Variants in PTPRD observed in about 807,000 individuals in gnomAD.
The protein encoded by PTPRD is receptor-type tyrosine-protein phosphatase delta.
A neutral mutation model predicts 214.5 loss-of-function variants in PTPRD; 34 were observed. That is an observed-to-expected ratio of 0.16 (90% CI 0.12 to 0.21). The LOEUF (loss-of-function observed/expected upper bound fraction) is 0.21. Among genes scored for constraint, PTPRD ranks in the 10% least tolerant of loss-of-function variants. The probability of loss-of-function intolerance (pLI) is 1.00; values close to 1 mark genes in which losing one functional copy is unlikely to be tolerated. For missense variants in PTPRD, 2,545 were observed against 2,398.7 expected (o/e 1.06, Z -1.27); for synonymous variants, 1,128 against 845.7 (o/e 1.33, Z -5.79).
chr9:9,668,600 T>C (rs1406936198), intron 7 of PTPRD, among the ~76,000 whole-genome samples: 1 of 152,198 alleles, frequency 6.6e-6, no homozygotes, highest in East Asian at 1.9e-4. Flanking sequence ...GATTTGTTCA[T>C]TCAGCATAAA....
intron 10 of PTPRD, among the ~76,000 whole-genome samples, chr9:9,133,912 T>C (rs556385526): frequency 2.0e-5 from 3 of 152,224 alleles, no homozygotes; most frequent in South Asian, 2.1e-4. Context: ...TAAGACTCTA[T>C]ACAGCTTGAG....
At chr9:9,195,210 C>T (rs747099697) in intron 9 of PTPRD, among the ~76,000 whole-genome samples, 1 of 151,546 alleles carries the variant, frequency 6.6e-6, no homozygotes, top group Admixed American at 6.6e-5. Context: ...AAAACTTGAG[C>T]ATACATCTTG....
rs1004288991 is a variant in PTPRD, at chr9:10,052,122, T to C, written c.-544-18332A>G. Reference sequence around the variant, plus strand: ...ACCATGCTCAGCTATTTTTCTATTTTTTGTAGTGACAGATTTTCACCATGT... The same window carrying C: ...ACCATGCTCAGCTATTTTTCTATTTCTTGTAGTGACAGATTTTCACCATGT... On this transcript the variant is annotated intron_variant, in intron 3 of 45. Transcript: ENST00000381196. 1.1e-4 allele frequency among the ~76,000 whole-genome samples: 17 copies of C among 152,240 alleles called. No individual in the cohort carries two copies. In the South Asian group the frequency reaches 3.3e-3, roughly 30 times the overall value.
chr9:10,143,559 G>T (rs990439570), intron 3 of PTPRD, among the ~76,000 whole-genome samples: 1 of 145,882 alleles, frequency 6.9e-6, no homozygotes, highest in Non-Finnish European at 1.5e-5. Context: ...CCATTACTGG[G>T]TATATACATA....
intron 9 of PTPRD, among the ~76,000 whole-genome samples, chr9:9,393,950 A>G (rs967048173): frequency 1.6e-4 from 24 of 152,152 alleles, no homozygotes; most frequent in African/African-American, 5.8e-4. Flanking sequence ...TGCCACCAAT[A>G]CTTTCCTGAT....
intron 8 of PTPRD, among the ~76,000 whole-genome samples, chr9:9,548,643 GAC>G (rs2154280039): frequency 6.6e-6 from 1 of 151,694 alleles, no homozygotes; most frequent in African/African-American, 2.4e-5. Flanking sequence ...TTAAAGTAAA[GAC>G]ACAAAAGAGT....
At chr9:8,782,683 C>T (rs1429247478) in intron 11 of PTPRD, among the ~76,000 whole-genome samples, 1 of 151,354 alleles carries the variant, frequency 6.6e-6, no homozygotes, top group Admixed American at 6.6e-5. Context: ...CTGCAACCTC[C>T]ACCTCCCGAG....
At chr9:8,437,001 T>C (rs964225620) in intron 34 of PTPRD, among the ~76,000 whole-genome samples, 1 of 152,224 alleles carries the variant, frequency 6.6e-6, no homozygotes, top group Non-Finnish European at 1.5e-5. Flanking sequence ...TCAGGCTTGA[T>C]GTCAACTTCT....
intron 8 of PTPRD, among the ~76,000 whole-genome samples, chr9:9,408,968 CT>C (rs2074475177): frequency 6.6e-6 from 1 of 151,656 alleles, no homozygotes; most frequent in South Asian, 2.1e-4. Context: ...ATATTAAGGC[CT>C]TTTAAAAGAT....
At chr9:10,315,203 T>C (rs1375794073) in intron 3 of PTPRD, among the ~76,000 whole-genome samples, 1 of 151,968 alleles carries the variant, frequency 6.6e-6, no homozygotes, top group African/African-American at 2.4e-5. Flanking sequence ...CTTTTATCAT[T>C]TGAGCTTTCA....
chr9:10,318,156 C>G (rs939371929), intron 3 of PTPRD, among the ~76,000 whole-genome samples: 6 of 152,028 alleles, frequency 3.9e-5, no homozygotes, highest in African/African-American at 1.4e-4. Context: ...GAGGCTTGCT[C>G]TTCCTGCATT....
intron 7 of PTPRD, among the ~76,000 whole-genome samples, chr9:9,637,814 T>C (rs1396603168): frequency 6.6e-6 from 1 of 152,198 alleles, no homozygotes; most frequent in Non-Finnish European, 1.5e-5. Context: ...GGGCACTGTG[T>C]GGCAGTTCCA....
chr9:8,599,142 C>T (rs891246389), intron 14 of PTPRD, among the ~76,000 whole-genome samples: 1 of 152,126 alleles, frequency 6.6e-6, no homozygotes, highest in African/African-American at 2.4e-5. Flanking sequence ...GGGAGTTCTC[C>T]TGCATACATT....
At position 8,319,949 on chromosome 9, in the gene PTPRD, G is replaced by A; in HGVS notation, c.5552C>T (p.Thr1851Ile). 6.2e-7 allele frequency: 1 copy of A among 1,612,274 alleles called. No individual in the cohort carries two copies. The highest frequency in any genetic ancestry group is 8.5e-7 in the Non-Finnish European group (1 of 1,179,190). Reference sequence around the variant, plus strand: ...AATGCTTAGCGTTATGAAGACTCCAGTTCTTCCAACGCCCGCGCTGCCACA... The same window carrying A: ...AATGCTTAGCGTTATGAAGACTCCAATTCTTCCAACGCCCGCGCTGCCACA... ...SVHCSAGVGR[T>I]GVFITLSIVL... is the part of the protein sequence containing the mutation. The change falls in exon 45 of 46, where the codon ACT (threonine) becomes ATT (isoleucine). Residue 1851 changes from threonine to isoleucine, a missense_variant. Transcript: ENST00000381196.
chr9:9,406,052 G>C (rs920459223), intron 8 of PTPRD, among the ~76,000 whole-genome samples: 1 of 151,874 alleles, frequency 6.6e-6, no homozygotes, highest in African/African-American at 2.4e-5. Flanking sequence ...AATATGAAGG[G>C]CTAATGTTAA....
chr9:10,251,107 A>G (rs998614600), intron 3 of PTPRD, among the ~76,000 whole-genome samples: 1 of 152,138 alleles, frequency 6.6e-6, no homozygotes, highest in Non-Finnish European at 1.5e-5. Context: ...ATATCAAATT[A>G]CTTAAAATTA....
intron 3 of PTPRD, among the ~76,000 whole-genome samples, chr9:10,284,981 A>T (rs2095295496): frequency 6.6e-6 from 1 of 152,228 alleles, no homozygotes; most frequent in Non-Finnish European, 1.5e-5. Context: ...TTTGGACACT[A>T]TTCCAAATGG....
chr9:8,595,046 G>C (rs779770679), intron 14 of PTPRD, among the ~76,000 whole-genome samples: 10 of 151,452 alleles, frequency 6.6e-5, no homozygotes, highest in Admixed American at 1.3e-4. Context: ...TGTATTTTTA[G>C]TAGAGACGTG....
chr9:9,613,127 C>CATATAT (rs1336099691), intron 7 of PTPRD, among the ~76,000 whole-genome samples: 63 of 39,106 alleles, frequency 1.6e-3, no homozygotes, highest in Middle Eastern at 0.021. Flanking sequence ...CTGCAGTATA[C>CATATAT]ATACATACAT....
Sources: allele counts gnomAD v4.1 joint callset (sites outside exome capture counted in the v4.1 genomes callset), GRCh38; gene constraint gnomAD v4.1.1; transcripts MANE v1.5; gene names NCBI Gene and HGNC (gene_info 2026-07-23, HGNC 2026-07-21).